The following BNC1 variants were observed in gnomAD, a reference collection of about 807,000 sequenced individuals.
BNC1 encodes the protein basonuclin zinc finger protein 1.
BNC1 carries 8 observed loss-of-function variants against 66.5 expected under a neutral mutation model. That is an observed-to-expected ratio of 0.12 (90% CI 0.07 to 0.22). BNC1 has a LOEUF of 0.22. BNC1 is among the 10% of genes least tolerant of loss of function. The probability of loss-of-function intolerance (pLI) is 1.00; values close to 1 mark genes in which losing one functional copy is unlikely to be tolerated. For missense variants in BNC1, 1,069 were observed against 1,241.3 expected, an observed-to-expected ratio of 0.86 and a Z score of 2.09; for synonymous variants, 454 against 452.6, an observed-to-expected ratio of 1.00 and a Z score of -0.04.
intron 1 of BNC1, among the ~76,000 whole-genome samples, chr15:83,283,726 C>G (rs909447612): frequency 1.6e-4 from 25 of 152,342 alleles, no homozygotes; most frequent in Admixed American, 1.6e-3. Flanking sequence ...CCAGCGCTTT[C>G]TGAAAGACGG....
intron 4 of BNC1, 48 bp downstream of exon 4, chr15:83,262,903 T>C: frequency 1.3e-6 from 2 of 1,521,564 alleles, no homozygotes; most frequent in South Asian, 1.3e-5. Context: ...CATGTTAAAC[T>C]TGAAGAGCCA....
chr15:83,263,422 T>C lies in BNC1; in HGVS notation c.1829A>G (p.His610Arg), dbSNP rs747070639. 72 of 1,614,110 alleles carry C rather than the reference T, an allele frequency of 4.5e-5. No individual in the cohort carries two copies. Among genetic ancestry groups the C allele is most frequent in the Middle Eastern group, 1.6e-4 (1 of 6,084 alleles). The part of the protein sequence containing the change: ...KPFPEGERPC[H>R]RESVIESSGA... The stretch of plus-strand genomic sequence containing the variant: ...ACTGGACTCAATTACTGATTCACGA[T>C]GGCAGGGCCTCTCCCCTTCAGGGAA... The change falls in exon 4 of 5, where the codon CAT becomes CGT. Residue 610 changes from histidine to arginine, a missense_variant. Transcript: ENST00000345382.
intron 1 of BNC1, among the ~76,000 whole-genome samples, chr15:83,284,244 C>T (rs2038418828): frequency 6.6e-6 from 1 of 152,080 alleles, no homozygotes; most frequent in Non-Finnish European, 1.5e-5. Flanking sequence ...CAGGCTGGCC[C>T]GCCGGCACCT....
At chr15:83,277,595 C>T (rs1595942440) in intron 1 of BNC1, among the ~76,000 whole-genome samples, 1 of 152,274 alleles carries the variant, frequency 6.6e-6, no homozygotes, top group East Asian at 1.9e-4. Flanking sequence ...AGGCATGAGC[C>T]ACCGCGCCTG....
chr15:83,258,077 A>T lies in BNC1; in HGVS notation c.2350T>A (p.Leu784Met), dbSNP rs535321624. The change falls in exon 5 of 5, where the codon TTG (leucine) becomes ATG (methionine). Residue 784 changes from leucine to methionine, a missense_variant. By Grantham distance (15) the Leu-to-Met change is conservative (BLOSUM62 2). This residue lies in a region of BNC1 where 657 missense variants were observed against 715.8 expected (regional missense o/e 0.92). Coordinates refer to ENST00000345382, the MANE Select transcript of BNC1 (RefSeq NM_001717.4). ...CGGAAATGATCTTCACTACTCTCCAATGCTTCCTGGCTCAATGCTTTTTGG... is the reference window on the plus strand; with the variant it reads ...CGGAAATGATCTTCACTACTCTCCATTGCTTCCTGGCTCAATGCTTTTTGG... ...LHQKALSQEA[L>M]ESSEDHFRAA... 9 of 1,609,026 alleles carry T rather than the reference A, an allele frequency of 5.6e-6. No homozygotes were observed. The highest frequency in any genetic ancestry group is 6.8e-6 in the Non-Finnish European group (8 of 1,175,746).
chr15:83,264,782 T>C lies in BNC1; in HGVS notation c.469A>G (p.Ile157Val), dbSNP rs763545274. ...ASGKVLDHWS[I>V]MTSEEEVATL... ...GCCACTTCTTCCTCACTGGTCATGATGCTCCAGTGATCCAACACCTTTCCT... is the reference window on the plus strand; with the variant it reads ...GCCACTTCTTCCTCACTGGTCATGACGCTCCAGTGATCCAACACCTTTCCT... The change falls in exon 4 of 5, where the codon ATC (isoleucine) becomes GTC (valine). Residue 157 changes from isoleucine to valine, a missense_variant. Physicochemically the swap from Ile to Val is conservative, Grantham distance 29 (BLOSUM62 3). Transcript: ENST00000345382. 1.2e-6 allele frequency: 2 copies of C among 1,614,174 alleles called. No homozygotes were observed. The highest frequency in any genetic ancestry group is 1.7e-6 in the Non-Finnish European group (2 of 1,180,008).
intron 3 of BNC1, among the ~76,000 whole-genome samples, chr15:83,265,168 T>C (rs909027628): frequency 6.6e-6 from 1 of 152,248 alleles, no homozygotes; most frequent in African/African-American, 2.4e-5. Context: ...AATTAAAATA[T>C]GTATCATTTG....
chr15:83,256,331 T>C lies in BNC1; in HGVS notation c.*1111A>G, dbSNP rs1002930391. 1 of 152,678 alleles carries C rather than the reference T, an allele frequency of 6.5e-6. No homozygotes were observed. Among genetic ancestry groups the C allele is most frequent in the Non-Finnish European group, 1.5e-5 (1 of 68,050 alleles). 9.5% of individuals were successfully genotyped at this position (152,678 alleles called of 1,614,324 possible). On this transcript the variant is annotated 3_prime_UTR_variant, in exon 5 of 5. Transcript: ENST00000345382. ...TCCTTTCTACCATGGAAAATGTATG[T>C]AACAGTGTGGAATATATTTCCGAAT...
At chr15:83,275,327 C>A (rs746824549) in intron 1 of BNC1, among the ~76,000 whole-genome samples, 1 of 152,092 alleles carries the variant, frequency 6.6e-6, no homozygotes. Context: ...GAAACCCCAT[C>A]TCTACTAAAA....
chr15:83,282,928 G>T (rs1426854579), intron 1 of BNC1, among the ~76,000 whole-genome samples: 2 of 152,080 alleles, frequency 1.3e-5, no homozygotes, highest in African/African-American at 2.4e-5. Flanking sequence ...GCCTCTTTTA[G>T]GCCCCTTAAG....
At chr15:83,283,329 C>T (rs942127523) in intron 1 of BNC1, 3 of 1,428,268 alleles carry the variant, frequency 2.1e-6, no homozygotes, top group Non-Finnish European at 2.8e-6. Context: ...CAAAGCCAGG[C>T]GGCGGCGGGG....
intron 4 of BNC1, among the ~76,000 whole-genome samples, chr15:83,259,830 G>C (rs979757909): frequency 2.0e-5 from 3 of 152,088 alleles, no homozygotes; most frequent in Non-Finnish European, 4.4e-5. Flanking sequence ...CATTTCCTGA[G>C]GTGCCATGTC....
intron 1 of BNC1, among the ~76,000 whole-genome samples, chr15:83,274,166 C>T (rs2038295849): frequency 6.6e-6 from 1 of 152,066 alleles, no homozygotes; most frequent in African/African-American, 2.4e-5. Context: ...GGGTGGACCA[C>T]GAAGTCAGGA....
intron 2 of BNC1, among the ~76,000 whole-genome samples, 153 bp from the exon 3 acceptor site, chr15:83,267,224 A>G (rs2038227087): frequency 6.6e-6 from 1 of 152,228 alleles, no homozygotes; most frequent in Non-Finnish European, 1.5e-5. Flanking sequence ...TAGCTATGAA[A>G]CTTCAAATTA....
At chr15:83,284,004 G>C (rs1253133098) in intron 1 of BNC1, among the ~76,000 whole-genome samples, 2 of 152,034 alleles carry the variant, frequency 1.3e-5, no homozygotes, top group African/African-American at 4.8e-5. Context: ...CTCAGTGACC[G>C]GAGGCTGCCG....
At chr15:83,272,514 G>A (rs2151438401) in intron 1 of BNC1, among the ~76,000 whole-genome samples, 1 of 151,918 alleles carries the variant, frequency 6.6e-6, no homozygotes, top group Non-Finnish European at 1.5e-5. Context: ...TGGAATTACA[G>A]GTGTGAGCCA....
intron 2 of BNC1, among the ~76,000 whole-genome samples, chr15:83,267,480 G>C (rs1231554693): frequency 6.6e-6 from 1 of 152,080 alleles, no homozygotes; most frequent in African/African-American, 2.4e-5. Flanking sequence ...ACATTTTCTA[G>C]TTGTGGGGCT....
chr15:83,264,468 G>A lies in BNC1; in HGVS notation c.783C>T (p.Pro261=), dbSNP rs769781455. ...PLPPALIGSL[P]EQYMLEQGHD... ...GACCCTGCTCCAACATATATTGTTC[G>A]GGCAATGACCCTATCAGTGCAGGAG... Residue 261 remains proline (P), a synonymous_variant, in exon 4 of 5, where the codon CCC becomes CCT. Coordinates refer to ENST00000345382, the MANE Select transcript of BNC1 (RefSeq NM_001717.4). The A allele has an allele frequency of 3.8e-5, 62 of 1,613,968 alleles. No individual in the cohort carries two copies. Among genetic ancestry groups the A allele is most frequent in the African/African-American group, 3.5e-4 (26 of 74,890 alleles).
At chr15:83,280,541 A>C (rs556986348) in intron 1 of BNC1, among the ~76,000 whole-genome samples, 4 of 152,340 alleles carry the variant, frequency 2.6e-5, no homozygotes, top group Admixed American at 2.6e-4. Context: ...TAGGTTTTTG[A>C]AACTAAGTTT....
Sources: allele counts gnomAD v4.1 joint callset (sites outside exome capture counted in the v4.1 genomes callset), GRCh38; gene constraint gnomAD v4.1.1; regional missense constraint gnomAD v4.1.1; transcripts MANE v1.5; gene names NCBI Gene and HGNC (gene_info 2026-07-23, HGNC 2026-07-21).